The following PGBD2 variants were observed in gnomAD, a reference collection of about 807,000 sequenced individuals.
PGBD2 encodes piggyBac transposable element-derived protein 2.
Under a neutral mutation model 8.1 loss-of-function variants are expected in PGBD2, and 6 were observed. The observed-to-expected ratio is 0.74, with a 90% CI of 0.40 to 1.46. The LOEUF (loss-of-function observed/expected upper bound fraction) is 1.46, where lower values mean the gene tolerates loss of function less well. Ranked by LOEUF, PGBD2 falls within the 40% of genes most tolerant of loss-of-function variation. The probability of loss-of-function intolerance (pLI) is 0.02; values close to 1 mark genes in which losing one functional copy is unlikely to be tolerated. For synonymous variants in PGBD2, 318 were observed against 272.2 expected (o/e 1.17, Z -1.66); for missense variants, 802 against 739.0 (o/e 1.09, Z -0.99).
chr1:248,909,684 G>T (rs1661794496), intron 1 of PGBD2, among the ~76,000 whole-genome samples: 1 of 152,176 alleles, frequency 6.6e-6, no homozygotes, highest in African/African-American at 2.4e-5. Context: ...GTAAGAGGAA[G>T]ACTTGATTGG....
chr1:248,877,458 T>G, the PGBD2 span, among the ~76,000 whole-genome samples: 4 of 152,156 alleles, frequency 2.6e-5, no homozygotes, highest in African/African-American at 9.7e-5. Context: ...ACAAATTTAT[T>G]TAATATGTAT....
chr1:248,900,398 A>G, the PGBD2 span, among the ~76,000 whole-genome samples: 1 of 152,220 alleles, frequency 6.6e-6, no homozygotes, highest in Non-Finnish European at 1.5e-5. Context: ...ATCCACCATG[A>G]TCAAGTTGTC....
At position 248,913,979 on chromosome 1, in the gene PGBD2, A is replaced by G. The variant is rs563429195; in HGVS notation, c.17+100A>G. 383 of 989,352 alleles carry G rather than the reference A, an allele frequency of 3.9e-4. 1 individual carries two copies. The highest frequency in any genetic ancestry group is 9.5e-4 in the South Asian group (73 of 77,136). The allele number at this position is 989,352 out of a possible 1,614,324, so 61.3% of individuals were successfully genotyped here. ...CATTTTTAGCTCTTGGCCTCAGTAT[A>G]ACAGTTGGTGTCCAGGAAGTATAAA... On this transcript the variant is annotated intron_variant, in intron 2 of 2. Transcript: ENST00000329291.
intron 1 of PGBD2, among the ~76,000 whole-genome samples, chr1:248,909,603 T>C (rs1661789737): frequency 6.6e-6 from 1 of 152,102 alleles, no homozygotes; most frequent in Non-Finnish European, 1.5e-5. Flanking sequence ...CATGTTGCCT[T>C]TTGGGGATAC....
downstream of PGBD2, among the ~76,000 whole-genome samples, chr1:248,920,226 G>A (rs1463636388): frequency 6.6e-6 from 1 of 151,922 alleles, no homozygotes; most frequent in African/African-American, 2.4e-5. Flanking sequence ...GTATACACGT[G>A]CCATGGTGGC....
At chr1:248,897,507 G>A in the PGBD2 span, among the ~76,000 whole-genome samples, 125,161 of 152,190 alleles carry the variant, frequency 0.82, 52,001 homozygotes, top group African/African-American at 0.96. Flanking sequence ...GCACTGGGGA[G>A]CAAGCATTTC....
downstream of PGBD2, among the ~76,000 whole-genome samples, chr1:248,923,693 A>G (rs1203179796): frequency 6.6e-6 from 1 of 152,192 alleles, no homozygotes; most frequent in African/African-American, 2.4e-5. Flanking sequence ...TTTTCCTCAT[A>G]CAGTCAATAT....
downstream of PGBD2, among the ~76,000 whole-genome samples, chr1:248,922,684 T>C (rs1286445051): frequency 2.6e-5 from 4 of 152,302 alleles, no homozygotes; most frequent in Admixed American, 6.5e-5. Context: ...TGAATTTTGT[T>C]GAAGGCCTTT....
At chr1:248,909,328 G>A (rs534957489) in intron 1 of PGBD2, among the ~76,000 whole-genome samples, 42 of 152,276 alleles carry the variant, frequency 2.8e-4, no homozygotes, top group African/African-American at 9.9e-4. Context: ...TGAGTCCACT[G>A]TATTAGATTC....
At chr1:248,887,855 C>T in the PGBD2 span, among the ~76,000 whole-genome samples, 1 of 152,108 alleles carries the variant, frequency 6.6e-6, no homozygotes, top group South Asian at 2.1e-4. Flanking sequence ...GATCCCATCA[C>T]CCAAACAGTG....
At chr1:248,907,046 T>C (rs373770781) in intron 1 of PGBD2, among the ~76,000 whole-genome samples, 7 of 152,146 alleles carry the variant, frequency 4.6e-5, no homozygotes, top group Non-Finnish European at 1.0e-4. Context: ...GCACTCAGCA[T>C]ACCAAGGACT....
chr1:248,883,938 GT>G, the PGBD2 span, among the ~76,000 whole-genome samples: 1 of 152,026 alleles, frequency 6.6e-6, no homozygotes, highest in East Asian at 1.9e-4. Flanking sequence ...GTTTAATTAG[GT>G]CCCACCTGCC....
upstream of PGBD2, among the ~76,000 whole-genome samples, chr1:248,905,255 A>T (rs183772865): frequency 6.6e-6 from 1 of 151,920 alleles, no homozygotes; most frequent in East Asian, 1.9e-4. Context: ...GTGAAGTGTC[A>T]GTGTGGAGAA....
the PGBD2 span, among the ~76,000 whole-genome samples, chr1:248,893,463 T>A: frequency 1.3e-5 from 2 of 152,256 alleles, no homozygotes; most frequent in Non-Finnish European, 2.9e-5. Flanking sequence ...ATAAGAGGAA[T>A]CAGGCAGTAT....
chr1:248,901,002 CAAAAT>C, the PGBD2 span, among the ~76,000 whole-genome samples: 1 of 151,880 alleles, frequency 6.6e-6, no homozygotes, highest in Non-Finnish European at 1.5e-5. Flanking sequence ...TGCCCACAAA[CAAAAT>C]AAAATACCTA....
the PGBD2 span, among the ~76,000 whole-genome samples, chr1:248,891,495 T>G: frequency 6.6e-6 from 1 of 152,256 alleles, no homozygotes; most frequent in Non-Finnish European, 1.5e-5. Context: ...AGATATATAC[T>G]TTGATGAAGA....
chr1:248,878,169 T>C, the PGBD2 span, among the ~76,000 whole-genome samples: 1 of 143,962 alleles, frequency 6.9e-6, no homozygotes, highest in African/African-American at 2.7e-5. Context: ...ATTTGTATCA[T>C]TGTTTTCCAT....
chr1:248,873,794 G>A, the PGBD2 span, among the ~76,000 whole-genome samples: 1 of 152,184 alleles, frequency 6.6e-6, no homozygotes, highest in African/African-American at 2.4e-5. Context: ...GGTGTGACGC[G>A]GCAGGCTGGC....
intron 1 of PGBD2, among the ~76,000 whole-genome samples, chr1:248,908,798 T>C (rs565691761): frequency 8.2e-4 from 125 of 152,186 alleles, no homozygotes; most frequent in African/African-American, 2.9e-3. Flanking sequence ...GCAGATTCCT[T>C]ACTCTGGCGT....
Sources: gnomAD v4.1 joint callset for allele counts (sites outside exome capture counted in the v4.1 genomes callset) on GRCh38, gnomAD v4.1.1 for gene constraint, MANE v1.5 for transcripts, NCBI Gene and HGNC (gene_info 2026-07-23, HGNC 2026-07-21) for gene names.